RAP1GAP2: variants seen among roughly 807,000 people sequenced by gnomAD.
RAP1GAP2 encodes the protein rap1 GTPase-activating protein 2.
A neutral mutation model predicts 95.0 loss-of-function variants in RAP1GAP2; 27 were observed. The ratio of observed to expected loss-of-function variants is 0.28; its 90% CI spans 0.21 to 0.39. The LOEUF (loss-of-function observed/expected upper bound fraction) is 0.39. RAP1GAP2 is among the 10% of genes least tolerant of loss of function. The probability of loss-of-function intolerance (pLI) is 1.00; values close to 1 mark genes in which losing one functional copy is unlikely to be tolerated. For missense variants in RAP1GAP2, 771 were observed against 970.0 expected, an observed-to-expected ratio of 0.79 and a Z score of 2.72; for synonymous variants, 373 against 380.9, an observed-to-expected ratio of 0.98 and a Z score of 0.24.
chr17:2,941,667 G>A (rs539271462), intron 3 of RAP1GAP2, among the ~76,000 whole-genome samples: 21 of 86,038 alleles, frequency 2.4e-4, no homozygotes, highest in African/African-American at 5.5e-4. Context: ...ATGACTCTTG[G>A]GTTTTTTTTT....
chr17:2,935,276 A>G (rs4790390), intron 3 of RAP1GAP2, among the ~76,000 whole-genome samples: 128,877 of 152,112 alleles, frequency 0.85, 55,122 homozygotes, highest in Non-Finnish European at 0.91. Context: ...GGGAGGCCGC[A>G]GCAGGTGGAT....
chr17:2,834,230 C>T (rs2071033193), intron 2 of RAP1GAP2, among the ~76,000 whole-genome samples: 1 of 152,174 alleles, frequency 6.6e-6, no homozygotes, highest in African/African-American at 2.4e-5. Context: ...TCATCCTATC[C>T]CAGTTCTTAA....
At chr17:3,011,148 G>C (rs1389754219) in intron 17 of RAP1GAP2, among the ~76,000 whole-genome samples, 6 of 151,938 alleles carry the variant, frequency 3.9e-5, no homozygotes, top group Admixed American at 3.9e-4. Context: ...GGCTGGTCTC[G>C]AACTCCTGAC....
chr17:2,977,281 A>G (rs2045163979), intron 8 of RAP1GAP2, among the ~76,000 whole-genome samples: 1 of 152,234 alleles, frequency 6.6e-6, no homozygotes, highest in Non-Finnish European at 1.5e-5. Flanking sequence ...AAACATATAA[A>G]TTTCCAAAAT....
chr17:2,769,427 C>T (rs545684870), intron 1 of RAP1GAP2, among the ~76,000 whole-genome samples: 5 of 150,852 alleles, frequency 3.3e-5, no homozygotes, highest in South Asian at 4.2e-4. Context: ...TGGCGGTGGG[C>T]GCCTGTAGTC....
chr17:2,915,360 A>G (rs1441553483), intron 3 of RAP1GAP2, among the ~76,000 whole-genome samples: 3 of 151,952 alleles, frequency 2.0e-5, no homozygotes, highest in Non-Finnish European at 4.4e-5. Context: ...CCCCCCGAGT[A>G]GCTGGGACTA....
At chr17:2,911,407 G>T (rs2042377228) in intron 3 of RAP1GAP2, among the ~76,000 whole-genome samples, 1 of 152,056 alleles carries the variant, frequency 6.6e-6, no homozygotes, top group African/African-American at 2.4e-5. Context: ...TGCGTCTGTG[G>T]GAATACCGTA....
chr17:3,036,409 G>A lies in RAP1GAP2; in HGVS notation c.*3048G>A, dbSNP rs1327147759. ...TGAATAAGTGGCTGCGTTTCCTGGG[G>A]CCCTGGGTTTTGGGGAAGCCAGTTA... On this transcript the variant is annotated 3_prime_UTR_variant, in exon 25 of 25. Coordinates refer to ENST00000254695, the MANE Select transcript of RAP1GAP2 (RefSeq NM_015085.5). The A allele has an allele frequency of 6.6e-6, 1 of 152,290 alleles. No homozygotes were observed. Among genetic ancestry groups the A allele is most frequent in the Non-Finnish European group, 1.5e-5 (1 of 68,104 alleles). 9.4% of individuals were successfully genotyped at this position (152,290 alleles called of 1,614,324 possible). A position where few individuals can be genotyped will look rare whatever the true frequency, so the allele number is the denominator to read the frequency against.
At chr17:2,966,638 C>G (rs1301916293) in intron 8 of RAP1GAP2, among the ~76,000 whole-genome samples, 2 of 152,130 alleles carry the variant, frequency 1.3e-5, no homozygotes, top group Non-Finnish European at 2.9e-5. Context: ...TAGTTTGTTT[C>G]TTATCAAGAA....
chr17:2,796,692 C>A lies in RAP1GAP2; in HGVS notation c.44+121C>A. The A allele has an allele frequency of 2.6e-6, 3 of 1,145,228 alleles. No individual in the cohort carries two copies. Among genetic ancestry groups the A allele is most frequent in the Non-Finnish European group, 3.8e-6 (3 of 780,858 alleles). 70.9% of individuals were successfully genotyped at this position (1,145,228 alleles called of 1,614,324 possible). A position where few individuals can be genotyped will look rare whatever the true frequency, so the allele number is the denominator to read the frequency against. On this transcript the variant is annotated intron_variant, in intron 1 of 24. Coordinates refer to ENST00000254695, the MANE Select transcript of RAP1GAP2 (RefSeq NM_015085.5). The surrounding 1 kb of genome is among the most constrained non-coding windows in gnomAD (Gnocchi z 4.7). ...GGGCTGTGCCTGAGAGCTGGGTCTG[C>A]TGACGCCCTGGCAGGTCGAGATGCA...
intron 18 of RAP1GAP2, among the ~76,000 whole-genome samples, chr17:3,019,916 A>C (rs1399563095): frequency 6.6e-6 from 1 of 152,198 alleles, no homozygotes; most frequent in Admixed American, 6.5e-5. Context: ...CAGCTTTCCA[A>C]AGCAGAAGGC....
At chr17:2,884,459 G>A (rs552347798) in intron 2 of RAP1GAP2, among the ~76,000 whole-genome samples, 8 of 145,294 alleles carry the variant, frequency 5.5e-5, no homozygotes, top group South Asian at 2.2e-4. Context: ...TGTAACCTTC[G>A]CCTCCCCGGT....
At chr17:2,836,238 C>T (rs1323008346) in intron 2 of RAP1GAP2, among the ~76,000 whole-genome samples, 2 of 151,108 alleles carry the variant, frequency 1.3e-5, no homozygotes, top group Non-Finnish European at 2.9e-5. Flanking sequence ...AACTAGGTTA[C>T]TAGTGACAGA....
intron 2 of RAP1GAP2, among the ~76,000 whole-genome samples, chr17:2,869,722 C>T (rs565715342): frequency 3.3e-5 from 5 of 152,196 alleles, no homozygotes; most frequent in Admixed American, 1.3e-4. Context: ...GGTCAGGTCC[C>T]GGGAGCAGGT....
intron 2 of RAP1GAP2, among the ~76,000 whole-genome samples, chr17:2,879,687 T>C (rs2073218940): frequency 1.4e-5 from 2 of 147,894 alleles, no homozygotes; most frequent in Admixed American, 6.9e-5. Context: ...GATCGCACCA[T>C]GGCACTCCAG....
rs1233406306 is a variant in RAP1GAP2, at chr17:2,983,907, T to C, written c.730-1076T>C. On this transcript the variant is annotated intron_variant, in intron 10 of 24. Coordinates refer to ENST00000254695, the MANE Select transcript of RAP1GAP2 (RefSeq NM_015085.5). ...TATTTCTGGAGGGTCATATAGATGA[T>C]GATGGTGTTGATGATGATGATAGCT... Among the ~76,000 whole-genome samples, 5 of 152,228 alleles carry C rather than the reference T, an allele frequency of 3.3e-5. 1 individual carries two copies. Among genetic ancestry groups the C allele is most frequent in the Non-Finnish European group, 7.3e-5 (5 of 68,040 alleles).
chr17:2,990,026 G>T (rs558741752), intron 11 of RAP1GAP2, among the ~76,000 whole-genome samples: 1 of 152,128 alleles, frequency 6.6e-6, no homozygotes, highest in African/African-American at 2.4e-5. Flanking sequence ...TTCACTCAGC[G>T]TAATATTTTC....
At chr17:2,887,182 C>T (rs137859733) in intron 2 of RAP1GAP2, among the ~76,000 whole-genome samples, 3,211 of 151,916 alleles carry the variant, frequency 0.021, 106 homozygotes, top group African/African-American at 0.072. Context: ...CTCAGCCTCC[C>T]GAGTAGCTGG....
intron 1 of RAP1GAP2, among the ~76,000 whole-genome samples, chr17:2,788,769 A>G (rs1192577850): frequency 6.6e-6 from 1 of 152,222 alleles, no homozygotes; most frequent in Admixed American, 6.5e-5. Flanking sequence ...CAGCTCAGGC[A>G]GAGAATGAAC....
Sources: gnomAD v4.1 joint callset for allele counts (sites outside exome capture counted in the v4.1 genomes callset) on GRCh38, gnomAD v4.1.1 for gene constraint, Gnocchi (gnomAD v3.1) non-coding constraint, MANE v1.5 for transcripts, NCBI Gene and HGNC (gene_info 2026-07-23, HGNC 2026-07-21) for gene names.